MGAM: variants seen among roughly 807,000 people sequenced by gnomAD.
MGAM encodes the protein alpha-1,4-glucosidase.
Under a neutral mutation model 358.8 loss-of-function variants are expected in MGAM, and 253 were observed. The observed-to-expected ratio is 0.71, with a 90% CI of 0.64 to 0.78. The LOEUF (loss-of-function observed/expected upper bound fraction) is 0.78, where lower values mean the gene tolerates loss of function less well. MGAM is among the 30% of genes least tolerant of loss of function. MGAM has a pLI of 0.00. For synonymous variants in MGAM, 1,105 were observed against 1,227.1 expected (o/e 0.90, Z 2.08); for missense variants, 3,080 against 3,432.6 (o/e 0.90, Z 2.57).
chr7:142,047,502 T>C (rs1350038676), intron 21 of MGAM, among the ~76,000 whole-genome samples: 1 of 152,180 alleles, frequency 6.6e-6, no homozygotes, highest in Non-Finnish European at 1.5e-5. Context: ...TAAGTAGTAG[T>C]TGCAGAAGCA....
In MGAM at chr7:142,105,818, T is replaced by C. The variant is rs1816818999; in HGVS notation, c.8189T>C (p.Leu2730Ser). The stretch of plus-strand genomic sequence containing the variant: ...TTTTCCTTTGGTTCCTAACAGGTAT[T>C]AAGCATCGATGTGACTGACAGAAAC... ...SFNNDPTTQV[L>S]SIDVTDRNIS... The change falls in exon 71 of 71, where the codon TTA (leucine) becomes TCA (serine). Residue 2730 changes from leucine (L) to serine (S), a missense_variant. Coordinates refer to ENST00000475668, the MANE Select transcript of MGAM (RefSeq NM_001365693.1). 6.2e-6 allele frequency: 10 copies of C among 1,612,662 alleles called. No individual in the cohort carries two copies. The highest frequency in any genetic ancestry group is 5.5e-5 in the South Asian group (5 of 91,046).
chr7:142,086,878 G>T (rs79492165), intron 57 of MGAM, among the ~76,000 whole-genome samples, 161 bp downstream of exon 57: 2,739 of 99,304 alleles, frequency 0.028, 881 homozygotes, highest in South Asian at 0.17. Context: ...TTACTTTATA[G>T]GTAGTCATAC....
Position 142,081,845 on chromosome 7 carries a change from A to C in MGAM, c.6003-197A>C, listed in dbSNP as rs115011725. 2.4e-3 allele frequency among the ~76,000 whole-genome samples: 352 copies of C among 145,848 alleles called. 11 individuals carry two copies. The highest frequency in any genetic ancestry group is 8.4e-3 in the African/African-American group (344 of 41,124). ...ACTGAAAGGAGGCAGTGAGAGTGGG[A>C]AACAGATGAATGAAGAACTCCTGGG... On this transcript the variant is annotated intron_variant, in intron 50 of 70. Transcript: ENST00000475668.
chr7:142,025,980 T>C (rs1806927781), intron 8 of MGAM, among the ~76,000 whole-genome samples: 1 of 152,080 alleles, frequency 6.6e-6, no homozygotes, highest in Non-Finnish European at 1.5e-5. Context: ...CTGTACAGTT[T>C]TAGATAGGTG....
intron 59 of MGAM, 110 bp from the exon 60 acceptor site, chr7:142,093,302 A>G: frequency 7.5e-7 from 1 of 1,335,870 alleles, no homozygotes; most frequent in African/African-American, 1.4e-5. Flanking sequence ...GGAGAGTGAC[A>G]CAGGCAGGAC....
intron 57 of MGAM, among the ~76,000 whole-genome samples, chr7:142,087,721 T>C (rs146057283): frequency 6.8e-6 from 1 of 146,752 alleles, no homozygotes; most frequent in East Asian, 2.0e-4. Flanking sequence ...AGAAGCTGAC[T>C]TGTGCAGTCA....
chr7:142,035,398 A>G (rs1807894598), intron 16 of MGAM, among the ~76,000 whole-genome samples: 1 of 152,150 alleles, frequency 6.6e-6, no homozygotes, highest in African/African-American at 2.4e-5. Context: ...ATTGTGACAA[A>G]CTAGGGTAAA....
At position 142,041,905 on chromosome 7, in the gene MGAM, T is replaced by TCA. The variant is rs569378566; in HGVS notation, c.2498+1059_2498+1060insCA. Among the ~76,000 whole-genome samples the TCA allele has an allele frequency of 8.2e-3, 218 of 26,714 alleles. 12 individuals are homozygous for TCA. The highest frequency in any genetic ancestry group is 0.019 in the African/African-American group (204 of 10,654). The allele number at this position is 26,714 out of a possible 152,430, so 17.5% of individuals were successfully genotyped here. On this transcript the variant is annotated intron_variant, in intron 21 of 70. Transcript: ENST00000475668. ...ATACGTATAATATATAATATATATA[T>TCA]TATATATATACGTATAATATATAAT...
At chr7:142,100,509 A>G (rs981275326) in intron 67 of MGAM, among the ~76,000 whole-genome samples, 2 of 152,244 alleles carry the variant, frequency 1.3e-5, no homozygotes, top group Admixed American at 1.3e-4. Flanking sequence ...TTTCAGCATC[A>G]GGATTTTCCT....
intron 57 of MGAM, among the ~76,000 whole-genome samples, chr7:142,087,362 A>G (rs946193209): frequency 2.1e-5 from 3 of 145,710 alleles, no homozygotes; most frequent in African/African-American, 4.9e-5. Flanking sequence ...TTTTTTCCAG[A>G]TTCACTAAGC....
chr7:142,091,728 A>G (rs1160055832), intron 57 of MGAM, among the ~76,000 whole-genome samples, 185 bp from the exon 58 acceptor site: 2 of 146,244 alleles, frequency 1.4e-5, no homozygotes, highest in African/African-American at 4.9e-5. Context: ...GAAGGTGTGC[A>G]AATTGCACTA....
chr7:142,076,132 A>T, intron 45 of MGAM, 71 bp from the exon 46 acceptor site: 2 of 1,167,476 alleles, frequency 1.7e-6, no homozygotes, highest in South Asian at 1.2e-5. Flanking sequence ...AACTGAAAAG[A>T]GTGGGAGTGT....
chr7:142,034,919 G>C, intron 16 of MGAM, 78 bp downstream of exon 16: 1 of 1,408,144 alleles, frequency 7.1e-7, no homozygotes, highest in Middle Eastern at 2.5e-4. Flanking sequence ...AAACCACAAA[G>C]CTCCCCTCTC....
Position 142,084,468 on chromosome 7 carries a change from T to G in MGAM, c.6382-51T>G. On this transcript the variant is annotated intron_variant, in intron 53 of 70. Coordinates refer to ENST00000475668, the MANE Select transcript of MGAM (RefSeq NM_001365693.1). ...TATTCTTATTACTTGATGTAAAACT[T>G]CAATCTGGTGTCTCTGTTCTGAGGA... is the stretch of plus-strand genomic sequence containing the variant. The G allele has an allele frequency of 1.3e-6, 2 of 1,524,084 alleles. 1 individual carries two copies. Among genetic ancestry groups the G allele is most frequent in the Non-Finnish European group, 1.8e-6 (2 of 1,109,544 alleles). 94.4% of individuals were successfully genotyped at this position (1,524,084 alleles called of 1,614,324 possible).
intron 69 of MGAM, among the ~76,000 whole-genome samples, chr7:142,103,025 A>G (rs1045173406): frequency 6.6e-6 from 1 of 152,142 alleles, no homozygotes; most frequent in Non-Finnish European, 1.5e-5. Context: ...AACAGCTGAG[A>G]CTTTTTGTCT....
chr7:141,995,770 A>G (rs1804174273), upstream of MGAM: 1 of 152,212 alleles, frequency 6.6e-6, no homozygotes, highest in South Asian at 2.1e-4. Flanking sequence ...TCCTGGAAAT[A>G]AAAGCTGGCC....
At chr7:142,046,535 A>T (rs1476827932) in intron 21 of MGAM, among the ~76,000 whole-genome samples, 6 of 152,064 alleles carry the variant, frequency 3.9e-5, no homozygotes, top group African/African-American at 1.2e-4. Context: ...ACCTTGGATC[A>T]CTAGGCTTAG....
chr7:142,027,412 G>A (rs1202038916), intron 9 of MGAM, among the ~76,000 whole-genome samples, 185 bp downstream of exon 9: 4 of 152,198 alleles, frequency 2.6e-5, no homozygotes, highest in African/African-American at 9.6e-5. Context: ...AAGAAGGTGA[G>A]AGAATATAAA....
chr7:142,048,716 T>G (rs866341230), intron 22 of MGAM, among the ~76,000 whole-genome samples: 2 of 152,130 alleles, frequency 1.3e-5, no homozygotes, highest in East Asian at 3.9e-4. Context: ...AACTTTGCAA[T>G]GTTCCAGTAG....
Sources: allele counts gnomAD v4.1 joint callset (sites outside exome capture counted in the v4.1 genomes callset), GRCh38; gene constraint gnomAD v4.1.1; transcripts MANE v1.5; gene names NCBI Gene and HGNC (gene_info 2026-07-23, HGNC 2026-07-21).